The following ATP10B variants were observed in gnomAD, a reference collection of about 807,000 sequenced individuals.
ATP10B encodes ATPase phospholipid transporting 10B (putative), also known as phospholipid-transporting ATPase VB.
Under a neutral mutation model 141.2 loss-of-function variants are expected in ATP10B, and 122 were observed. The ratio of observed to expected loss-of-function variants is 0.86; its 90% CI spans 0.75 to 1.00. ATP10B has a LOEUF of 1.00. ATP10B is among the 50% of genes least tolerant of loss of function. The pLI, the probability that ATP10B is intolerant of heterozygous loss-of-function variation, is 0.00. For missense variants in ATP10B, 1,876 were observed against 1,825.3 expected (o/e 1.03, Z -0.51); for synonymous variants, 685 against 692.0 (o/e 0.99, Z 0.16).
intron 1 of ATP10B, among the ~76,000 whole-genome samples, chr5:160,814,622 G>A (rs34507624): frequency 0.33 from 49,742 of 150,906 alleles, 9,421 homozygotes; most frequent in East Asian, 0.44. Flanking sequence ...TCAAATTCAG[G>A]AAATACAGAG....
intron 1 of ATP10B, among the ~76,000 whole-genome samples, chr5:160,846,724 C>G (rs1411612316): frequency 2.0e-5 from 3 of 152,172 alleles, no homozygotes; most frequent in Admixed American, 6.5e-5. Flanking sequence ...CATGGTTCAA[C>G]TCATATGAAA....
the ATP10B span, among the ~76,000 whole-genome samples, chr5:160,888,974 A>G: frequency 6.6e-6 from 1 of 152,238 alleles, no homozygotes; most frequent in African/African-American, 2.4e-5. Flanking sequence ...AAATAAACTC[A>G]CATTGTTAAT....
At chr5:160,756,513 C>G (rs914253642) in intron 2 of ATP10B, among the ~76,000 whole-genome samples, 1 of 152,204 alleles carries the variant, frequency 6.6e-6, no homozygotes, top group Non-Finnish European at 1.5e-5. Flanking sequence ...ATTCCAGTGG[C>G]TCCACATCCT....
intron 10 of ATP10B, among the ~76,000 whole-genome samples, chr5:160,636,978 C>T (rs941674529): frequency 2.0e-5 from 2 of 102,392 alleles, no homozygotes; most frequent in Non-Finnish European, 2.1e-5. Context: ...CCATCAATCC[C>T]TCCATCCACC....
At chr5:160,728,798 G>T (rs1462195134) in intron 2 of ATP10B, among the ~76,000 whole-genome samples, 1 of 149,158 alleles carries the variant, frequency 6.7e-6, no homozygotes, top group Non-Finnish European at 1.5e-5. Context: ...CCTTTTGCTG[G>T]CTGCTTTATT....
the ATP10B span, among the ~76,000 whole-genome samples, chr5:160,903,038 A>T: frequency 1.4e-4 from 21 of 152,182 alleles, no homozygotes; most frequent in Non-Finnish European, 7.4e-5. Context: ...TGCCTTAAAA[A>T]CTAATGATAA....
intron 1 of ATP10B, among the ~76,000 whole-genome samples, chr5:160,811,574 A>G (rs1773153929): frequency 6.6e-6 from 1 of 152,162 alleles, no homozygotes; most frequent in South Asian, 2.1e-4. Flanking sequence ...TGTAGTGGCC[A>G]TGGTGTGGCC....
At chr5:160,665,359 T>C (rs1762261384) in intron 7 of ATP10B, among the ~76,000 whole-genome samples, 1 of 152,232 alleles carries the variant, frequency 6.6e-6, no homozygotes, top group South Asian at 2.1e-4. Flanking sequence ...TTTGTTACCC[T>C]TCACCTGTTG....
chr5:160,815,249 G>A (rs1463761874), intron 1 of ATP10B, among the ~76,000 whole-genome samples: 1 of 152,130 alleles, frequency 6.6e-6, no homozygotes, highest in Non-Finnish European at 1.5e-5. Flanking sequence ...CCCATCTCAT[G>A]TGCAGAGACA....
chr5:160,783,411 TCC>T (rs1360828445), intron 2 of ATP10B, among the ~76,000 whole-genome samples: 7 of 120,612 alleles, frequency 5.8e-5, no homozygotes, highest in African/African-American at 2.1e-4. Flanking sequence ...GATATATCTA[TCC>T]ATGGATATAT....
At chr5:160,775,375 GCTTT>G (rs986996768) in intron 2 of ATP10B, among the ~76,000 whole-genome samples, 3 of 152,200 alleles carry the variant, frequency 2.0e-5, no homozygotes, top group African/African-American at 7.2e-5. Flanking sequence ...GATAGTGCCT[GCTTT>G]CTTTGCTTTG....
intron 6 of ATP10B, among the ~76,000 whole-genome samples, chr5:160,677,578 C>T (rs1024587400): frequency 1.1e-4 from 17 of 152,178 alleles, no homozygotes; most frequent in African/African-American, 4.1e-4. Context: ...CAGTTCCAAA[C>T]TCGAGCCTGT....
intron 1 of ATP10B, among the ~76,000 whole-genome samples, chr5:160,819,866 C>T (rs1215854801): frequency 2.0e-5 from 3 of 151,954 alleles, no homozygotes; most frequent in Admixed American, 6.6e-5. Flanking sequence ...TTAAATCATA[C>T]TAGCAGAGAA....
intron 7 of ATP10B, among the ~76,000 whole-genome samples, chr5:160,655,315 T>C (rs972313120): frequency 1.3e-5 from 2 of 151,914 alleles, no homozygotes; most frequent in African/African-American, 2.4e-5. Flanking sequence ...ACTCCCTCTA[T>C]GAAGCTCACT....
intron 2 of ATP10B, among the ~76,000 whole-genome samples, chr5:160,733,309 A>G (rs1411684300): frequency 6.6e-6 from 1 of 152,170 alleles, no homozygotes; most frequent in East Asian, 1.9e-4. Context: ...ATGCCACAGG[A>G]ACCTGTTAGA....
intron 1 of ATP10B, among the ~76,000 whole-genome samples, chr5:160,851,569 T>G (rs1194758261): frequency 2.6e-5 from 4 of 152,178 alleles, no homozygotes; most frequent in Non-Finnish European, 5.9e-5. Flanking sequence ...TCCTCAAAGC[T>G]ATAGTTTCTT....
the ATP10B span, among the ~76,000 whole-genome samples, chr5:160,897,308 C>T: frequency 3.3e-5 from 5 of 152,134 alleles, no homozygotes; most frequent in African/African-American, 1.2e-4. Context: ...TATCTCAACC[C>T]CAAATTCCTT....
chr5:160,905,547 A>G, the ATP10B span, among the ~76,000 whole-genome samples: 2 of 152,184 alleles, frequency 1.3e-5, no homozygotes, highest in African/African-American at 2.4e-5. Context: ...TGTATGTGAC[A>G]TATTTTATAA....
In ATP10B at chr5:160,599,077, T is replaced by A. The variant is rs1248770821; in HGVS notation, c.3364-107A>T. 7 of 921,320 alleles carry A rather than the reference T, an allele frequency of 7.6e-6. 1 individual carries two copies. The highest frequency in any genetic ancestry group is 1.2e-5 in the Non-Finnish European group (7 of 584,326). 57.1% of individuals were successfully genotyped at this position (921,320 alleles called of 1,614,324 possible). A position where few individuals can be genotyped will look rare whatever the true frequency, so the allele number is the denominator to read the frequency against. On this transcript the variant is annotated intron_variant, in intron 21 of 25. Coordinates refer to ENST00000327245, the MANE Select transcript of ATP10B (RefSeq NM_025153.3). ...GCTGGAGTGGCAGTTGCCTCATTTA[T>A]AACACACAGGGTTATGTAAGGATGA... is the stretch of plus-strand genomic sequence containing the variant.
Sources: gnomAD v4.1 joint callset for allele counts (sites outside exome capture counted in the v4.1 genomes callset) on GRCh38, gnomAD v4.1.1 for gene constraint, MANE v1.5 for transcripts, NCBI Gene and HGNC (gene_info 2026-07-23, HGNC 2026-07-21) for gene names.